The following PAM variants were observed in gnomAD, a reference collection of about 807,000 sequenced individuals.
PAM encodes peptidyl-glycine alpha-amidating monooxygenase.
PAM carries 72 observed loss-of-function variants against 122.1 expected under a neutral mutation model. The observed-to-expected ratio is 0.59, with a 90% CI of 0.49 to 0.72. PAM has a LOEUF of 0.72. Ranked by LOEUF, PAM falls within the 30% of genes least tolerant of loss-of-function variation. PAM has a pLI of 0.00. For missense variants in PAM, 1,106 were observed against 1,183.7 expected, an observed-to-expected ratio of 0.93 and a Z score of 0.96; for synonymous variants, 389 against 404.4, an observed-to-expected ratio of 0.96 and a Z score of 0.46.
intron 1 of PAM, among the ~76,000 whole-genome samples, chr5:102,806,462 G>A (rs1165404396): frequency 1.3e-5 from 2 of 152,206 alleles, no homozygotes; most frequent in Non-Finnish European, 2.9e-5. Flanking sequence ...AATTGACACT[G>A]CTAGAAGCAA....
intron 1 of PAM, among the ~76,000 whole-genome samples, chr5:102,763,738 A>G (rs758109271): frequency 1.3e-5 from 2 of 152,206 alleles, no homozygotes; most frequent in African/African-American, 2.4e-5. Flanking sequence ...AAATCAAGTA[A>G]CTGAGGAAGA....
At chr5:102,885,015 GGAGT>G (rs1792507597) in intron 3 of PAM, among the ~76,000 whole-genome samples, 1 of 151,400 alleles carries the variant, frequency 6.6e-6, no homozygotes, top group African/African-American at 2.4e-5. Flanking sequence ...CTGAGAGATT[GGAGT>G]ATTTCCTTTC....
chr5:102,916,053 G>C lies in PAM; in HGVS notation c.356+2032G>C, dbSNP rs1802993014. 2.0e-5 allele frequency among the ~76,000 whole-genome samples: 3 copies of C among 152,096 alleles called. No homozygotes were observed. The South Asian group carries it at 6.2e-4, about 32-fold the overall frequency. On this transcript the variant is annotated intron_variant, in intron 5 of 25. Transcript: ENST00000438793. ...TATTATTTTGCTAAAATTATTACTT[G>C]AAAGTCAACATAGTAGAAGGAAAGA...
intron 15 of PAM, among the ~76,000 whole-genome samples, chr5:102,988,362 C>T (rs1772676359): frequency 7.0e-6 from 1 of 143,110 alleles, no homozygotes; most frequent in Admixed American, 6.7e-5. Flanking sequence ...GGATTCTGGG[C>T]CCTCTCCTAT....
chr5:102,779,918 T>TATATATATATATAC (rs147065045), intron 1 of PAM, among the ~76,000 whole-genome samples: 9 of 95,692 alleles, frequency 9.4e-5, no homozygotes, highest in African/African-American at 4.5e-5. Flanking sequence ...TATATATATA[T>TATATATATATATAC]ACACACATAT....
At chr5:102,912,047 C>T (rs1008034986) in intron 4 of PAM, among the ~76,000 whole-genome samples, 4 of 152,062 alleles carry the variant, frequency 2.6e-5, no homozygotes, top group African/African-American at 9.7e-5. Context: ...CTGCTGGATA[C>T]TTCCACCTGA....
chr5:102,989,170 A>G lies in PAM; in HGVS notation c.1484-1102A>G, dbSNP rs139969956. 2.6e-4 allele frequency among the ~76,000 whole-genome samples: 39 copies of G among 152,294 alleles called. 1 individual carries two copies. The East Asian group carries it at 6.6e-3, about 26-fold the overall frequency. ...ATCCTCAATTAGTATAGATATATACATTGTACCCCTTTATCCGTGAGCGTG... is the reference window on the plus strand; with the variant it reads ...ATCCTCAATTAGTATAGATATATACGTTGTACCCCTTTATCCGTGAGCGTG... On this transcript the variant is annotated intron_variant, in intron 15 of 25. Coordinates refer to ENST00000438793, the MANE Select transcript of PAM (RefSeq NM_001177306.2).
At chr5:102,874,946 A>T (rs752420075) in intron 3 of PAM, among the ~76,000 whole-genome samples, 5 of 152,138 alleles carry the variant, frequency 3.3e-5, no homozygotes, top group Non-Finnish European at 5.9e-5. Context: ...TAGCCGGTAA[A>T]TAGGAGAACA....
intron 1 of PAM, among the ~76,000 whole-genome samples, chr5:102,779,625 C>T (rs1165397407): frequency 6.6e-6 from 1 of 151,836 alleles, no homozygotes; most frequent in Non-Finnish European, 1.5e-5. Context: ...GGCAGACCCA[C>T]CCTTAATCTG....
intron 3 of PAM, among the ~76,000 whole-genome samples, chr5:102,872,759 T>C (rs1787942688): frequency 6.6e-6 from 1 of 152,242 alleles, no homozygotes; most frequent in South Asian, 2.1e-4. Flanking sequence ...TTTGTATGTA[T>C]GTTACTTAGT....
intron 7 of PAM, among the ~76,000 whole-genome samples, chr5:102,936,428 T>G (rs914133538): frequency 6.6e-6 from 1 of 152,114 alleles, no homozygotes; most frequent in South Asian, 2.1e-4. Context: ...CACCAAAGAT[T>G]TTACTGACAT....
chr5:102,760,507 A>G (rs75222995), intron 1 of PAM, among the ~76,000 whole-genome samples: 4,366 of 152,320 alleles, frequency 0.029, 109 homozygotes, highest in East Asian at 0.13. Context: ...AAATTAATTA[A>G]AAATGGAATA....
chr5:102,853,495 T>C (rs1781828779), intron 1 of PAM, among the ~76,000 whole-genome samples: 1 of 152,218 alleles, frequency 6.6e-6, no homozygotes, highest in South Asian at 2.1e-4. Flanking sequence ...ACAGTGTAAA[T>C]TTAGAAAAAT....
intron 1 of PAM, among the ~76,000 whole-genome samples, chr5:102,832,370 C>G (rs1016764838): frequency 6.6e-6 from 1 of 151,966 alleles, no homozygotes; most frequent in African/African-American, 2.4e-5. Context: ...TCTTTGATTC[C>G]TATGTACAGC....
intron 1 of PAM, among the ~76,000 whole-genome samples, chr5:102,756,237 T>C (rs146611128): frequency 2.5e-3 from 381 of 152,308 alleles, no homozygotes; most frequent in African/African-American, 8.9e-3. Context: ...TCAGGTCCTT[T>C]GGCTGAGATG....
chr5:102,982,822 A>T (rs1158897067), intron 15 of PAM, among the ~76,000 whole-genome samples: 5 of 152,198 alleles, frequency 3.3e-5, no homozygotes, highest in African/African-American at 1.2e-4. Flanking sequence ...ATGAAAAGGA[A>T]ACATACCTCT....
intron 20 of PAM, among the ~76,000 whole-genome samples, chr5:103,009,157 T>G (rs925685216): frequency 6.6e-6 from 1 of 152,124 alleles, no homozygotes; most frequent in Non-Finnish European, 1.5e-5. Context: ...GAAATATAAT[T>G]TTACTACAAA....
chr5:102,988,980 C>T (rs1017352123), intron 15 of PAM, among the ~76,000 whole-genome samples: 4 of 152,058 alleles, frequency 2.6e-5, no homozygotes, highest in South Asian at 2.1e-4. Flanking sequence ...CTTTAATGTC[C>T]GTCTTTGAGG....
chr5:102,992,247 A>G (rs1774299339), intron 16 of PAM, among the ~76,000 whole-genome samples: 1 of 152,188 alleles, frequency 6.6e-6, no homozygotes, highest in Non-Finnish European at 1.5e-5. Flanking sequence ...AAAGGGGTGC[A>G]GTTGAACATG....
Sources: allele counts gnomAD v4.1 joint callset (sites outside exome capture counted in the v4.1 genomes callset), GRCh38; gene constraint gnomAD v4.1.1; transcripts MANE v1.5; gene names NCBI Gene and HGNC (gene_info 2026-07-23, HGNC 2026-07-21).